Variants in STAG1 observed in about 807,000 individuals in gnomAD.
The protein encoded by STAG1 is STAG1 cohesin complex component, also known as cohesin subunit SA-1.
A neutral mutation model predicts 170.9 loss-of-function variants in STAG1; 26 were observed. The ratio of observed to expected loss-of-function variants is 0.15; its 90% CI spans 0.11 to 0.21. STAG1 has a LOEUF of 0.21. STAG1 is among the 10% of genes least tolerant of loss of function. The pLI, the probability that STAG1 is intolerant of heterozygous loss-of-function variation, is 1.00. For missense variants in STAG1, 964 were observed against 1,509.5 expected (o/e 0.64, Z 5.99); for synonymous variants, 514 against 497.7 (o/e 1.03, Z -0.44).
intron 22 of STAG1, among the ~76,000 whole-genome samples, chr3:136,389,440 A>C (rs1308757095): frequency 6.6e-6 from 1 of 151,704 alleles, no homozygotes; most frequent in Non-Finnish European, 1.5e-5. Flanking sequence ...CTACAGGCGC[A>C]CACCACCACA....
chr3:136,550,189 GAA>G (rs2107736759), intron 5 of STAG1, among the ~76,000 whole-genome samples: 1 of 152,170 alleles, frequency 6.6e-6, no homozygotes, highest in South Asian at 2.1e-4. Flanking sequence ...CGATTATTTG[GAA>G]AAGACTGAGA....
At chr3:136,403,456 T>A (rs112492542) in intron 21 of STAG1, among the ~76,000 whole-genome samples, 5 of 151,890 alleles carry the variant, frequency 3.3e-5, no homozygotes, top group Admixed American at 3.3e-4. Flanking sequence ...CTAAAAAAAT[T>A]ACCCTAATAC....
intron 9 of STAG1, among the ~76,000 whole-genome samples, chr3:136,489,963 G>C (rs113653114): frequency 1.2e-3 from 176 of 152,260 alleles, no homozygotes; most frequent in African/African-American, 2.5e-3. Context: ...CTGAAACTGT[G>C]TTGTTTACAA....
At chr3:136,401,463 G>A (rs1012057413) in intron 21 of STAG1, among the ~76,000 whole-genome samples, 6 of 152,190 alleles carry the variant, frequency 3.9e-5, no homozygotes. Context: ...TTCTGAAACT[G>A]TTATTCAAAG....
At chr3:136,617,839 GA>G (rs370493171) in intron 3 of STAG1, among the ~76,000 whole-genome samples, 19 of 150,406 alleles carry the variant, frequency 1.3e-4, no homozygotes, top group East Asian at 1.9e-4. Flanking sequence ...GTATTTAAAA[GA>G]AAAAAAAACT....
intron 6 of STAG1, among the ~76,000 whole-genome samples, chr3:136,525,300 A>G (rs1481229305): frequency 1.3e-5 from 2 of 152,126 alleles, no homozygotes; most frequent in Non-Finnish European, 2.9e-5. Context: ...TCAGGGATTC[A>G]ACTTCTTCCT....
intron 1 of STAG1, among the ~76,000 whole-genome samples, chr3:136,707,025 T>A (rs558546724): frequency 6.6e-6 from 1 of 152,310 alleles, no homozygotes; most frequent in East Asian, 1.9e-4. Context: ...GTTGGACCCT[T>A]ACCTCACGCC....
At chr3:136,457,206 A>G (rs2089137985) in intron 13 of STAG1, among the ~76,000 whole-genome samples, 1 of 152,276 alleles carries the variant, frequency 6.6e-6, no homozygotes, top group Admixed American at 6.5e-5. Context: ...ATATAAGCCC[A>G]GGCATAAAAC....
At chr3:136,604,593 G>T in intron 3 of STAG1, 120 bp from the exon 4 acceptor site, 2 of 919,204 alleles carry the variant, frequency 2.2e-6, no homozygotes, top group South Asian at 2.2e-5. Context: ...TTTCTTCTCA[G>T]TAATTCAAAA....
At chr3:136,622,070 G>A (rs566618881) in intron 3 of STAG1, among the ~76,000 whole-genome samples, 193 of 149,004 alleles carry the variant, frequency 1.3e-3, no homozygotes, top group Non-Finnish European at 2.5e-3. Context: ...GGCTGAGGCG[G>A]GTGGATCACC....
chr3:136,623,364 T>G, intron 2 of STAG1, 116 bp from the exon 3 acceptor site: 1 of 805,782 alleles, frequency 1.2e-6, no homozygotes, highest in East Asian at 3.1e-5. Flanking sequence ...TACTTCTACT[T>G]TCAGAGAAAC....
intron 4 of STAG1, among the ~76,000 whole-genome samples, chr3:136,600,870 GTTTTGT>G (rs528409253): frequency 0.032 from 45 of 1,396 alleles, no homozygotes; most frequent in Non-Finnish European, 0.053. Flanking sequence ...TTGTTTGTTT[GTTTTGT>G]TTTGTTTTGT....
At chr3:136,667,611 C>T (rs1325548193) in intron 1 of STAG1, among the ~76,000 whole-genome samples, 1 of 152,096 alleles carries the variant, frequency 6.6e-6, no homozygotes, top group Non-Finnish European at 1.5e-5. Context: ...ATTCCCCTGC[C>T]GCAGCCTCCC....
intron 4 of STAG1, among the ~76,000 whole-genome samples, chr3:136,593,282 A>G (rs1938275919): frequency 6.6e-6 from 1 of 152,194 alleles, no homozygotes; most frequent in Admixed American, 6.5e-5. Context: ...CCCAACACGT[A>G]GCACATTAAC....
In STAG1 at chr3:136,577,617, G is replaced by A. The variant is rs541113892; in HGVS notation, c.298-8756C>T. 3.3e-5 allele frequency among the ~76,000 whole-genome samples: 5 copies of A among 151,710 alleles called. No individual in the cohort carries two copies. The East Asian group carries it at 9.7e-4, about 29-fold the overall frequency. On this transcript the variant is annotated intron_variant, in intron 4 of 33. Transcript: ENST00000383202. ...TTTACATGGACAGATGCCTTGAAGG[G>A]GGATGCTCATTCTCCTGAAGACTTA...
intron 3 of STAG1, among the ~76,000 whole-genome samples, chr3:136,618,326 A>G (rs568319872): frequency 4.6e-5 from 7 of 152,324 alleles, no homozygotes; most frequent in South Asian, 2.1e-4. Context: ...CAGGCGCCAC[A>G]TGCGTCAGGG....
intron 5 of STAG1, among the ~76,000 whole-genome samples, chr3:136,558,279 C>A (rs1359218717): frequency 6.6e-6 from 1 of 152,154 alleles, no homozygotes; most frequent in African/African-American, 2.4e-5. Context: ...GTAATCCCAG[C>A]TACTAGGGGG....
chr3:136,590,768 C>T (rs193275931), intron 4 of STAG1, among the ~76,000 whole-genome samples: 4 of 152,228 alleles, frequency 2.6e-5, no homozygotes, highest in Admixed American at 2.0e-4. Flanking sequence ...TATAAAAATA[C>T]AATTGTGGAG....
intron 12 of STAG1, among the ~76,000 whole-genome samples, chr3:136,467,095 C>T (rs2089485221): frequency 6.6e-6 from 1 of 152,216 alleles, no homozygotes; most frequent in South Asian, 2.1e-4. Context: ...ACCGCATCAA[C>T]TAATGAGCAA....
Sources: allele counts gnomAD v4.1 joint callset (sites outside exome capture counted in the v4.1 genomes callset), GRCh38; gene constraint gnomAD v4.1.1; transcripts MANE v1.5; gene names NCBI Gene and HGNC (gene_info 2026-07-23, HGNC 2026-07-21).